Variants in ASTN2 observed in about 807,000 individuals in gnomAD.
ASTN2 encodes the protein astrotactin 2.
In ASTN2, 54 loss-of-function variants were observed where a neutral mutation model predicts 139.8. That is an observed-to-expected ratio of 0.39 (90% CI 0.31 to 0.48). ASTN2 has a LOEUF of 0.48. Ranked by LOEUF, ASTN2 falls within the 20% of genes least tolerant of loss-of-function variation. The pLI is 0.95. For synonymous variants in ASTN2, 756 were observed against 719.5 expected (o/e 1.05, Z -0.81); for missense variants, 1,565 against 1,725.1 (o/e 0.91, Z 1.64).
At chr9:116,917,587 G>A (rs1834485889) in intron 10 of ASTN2, among the ~76,000 whole-genome samples, 1 of 152,152 alleles carries the variant, frequency 6.6e-6, no homozygotes, top group Non-Finnish European at 1.5e-5. Context: ...CAGAATCCCA[G>A]GCCTCATCCC....
intron 10 of ASTN2, among the ~76,000 whole-genome samples, chr9:116,959,987 A>T (rs1462940457): frequency 6.6e-6 from 1 of 152,060 alleles, no homozygotes; most frequent in Admixed American, 6.6e-5. Context: ...CGATGGGGCC[A>T]TAAGTCATGT....
rs1443721760 is a variant in ASTN2 at position 116,622,512 on chromosome 9, G to A, written c.3073-2069C>T. On this transcript the variant is annotated intron_variant, in intron 17 of 22. Coordinates refer to ENST00000313400, the MANE Select transcript of ASTN2 (RefSeq NM_001365068.1). ...AATAGTCCTGAGACACAGATATTAC[G>A]ATCCTCATTTATATATAAGAAAACT... Among the ~76,000 whole-genome samples, 6 of 152,180 alleles carry A rather than the reference G, an allele frequency of 3.9e-5. No individual in the cohort carries two copies. The South Asian group carries it at 8.3e-4, about 21-fold the overall frequency.
rs1832576233 is a variant in ASTN2 at position 116,850,779 on chromosome 9, A to G, written c.2040+12804T>C. On this transcript the variant is annotated intron_variant, in intron 11 of 22. Transcript: ENST00000313400. ...ACCTGCAAGGGTTGGTACCAGCTGG[A>G]GAAAAATAAATACGCTCATGTGGGT... Among the ~76,000 whole-genome samples, 2 of 152,234 alleles carry G rather than the reference A, an allele frequency of 1.3e-5. 1 individual carries two copies. The highest frequency in any genetic ancestry group is 4.1e-4 in the South Asian group (2 of 4,836).
chr9:116,480,470 G>C lies in ASTN2; in HGVS notation c.3497+6889C>G, dbSNP rs150732858. On this transcript the variant is annotated intron_variant, in intron 20 of 22. Coordinates refer to ENST00000313400, the MANE Select transcript of ASTN2 (RefSeq NM_001365068.1). ...CAAAGATTTATTGGATTCTTAATTA[G>C]TGTCAGTTACTGTTCTAGGTACCAG... Among the ~76,000 whole-genome samples the C allele has an allele frequency of 6.3e-3, 958 of 152,298 alleles. 9 individuals are homozygous for C. Among genetic ancestry groups the C allele is most frequent in the African/African-American group, 0.022 (915 of 41,552 alleles).
chr9:116,719,543 A>G (rs559731397), intron 16 of ASTN2, among the ~76,000 whole-genome samples: 4 of 152,288 alleles, frequency 2.6e-5, no homozygotes, highest in East Asian at 1.9e-4. Context: ...AGAACACTAG[A>G]AAAGTATTAG....
chr9:116,726,066 G>T, intron 15 of ASTN2, 116 bp from the exon 16 acceptor site: 1 of 936,522 alleles, frequency 1.1e-6, no homozygotes, highest in Non-Finnish European at 1.6e-6. Context: ...CCTCAGCACA[G>T]TGGCAGCTTG....
intron 1 of ASTN2, among the ~76,000 whole-genome samples, chr9:117,329,180 C>CTTTTTTTTTTTTTTTTTTTT (rs749880987): frequency 1.2e-5 from 1 of 82,582 alleles, no homozygotes; most frequent in African/African-American, 4.7e-5. Flanking sequence ...CTTCCAAGTT[C>CTTTTTTTTTTTTTTTTTTTT]TTTTTTTTTT....
rs561883658 is a variant in ASTN2, at chr9:116,761,863, G to C, written c.2397-28340C>G. ...GCTGCTATATGGAGAATGAATTGGA[G>C]TGAATTCAGGATGAAGAAGAGCAAG... On this transcript the variant is annotated intron_variant, in intron 13 of 22. Coordinates refer to ENST00000313400, the MANE Select transcript of ASTN2 (RefSeq NM_001365068.1). Among the ~76,000 whole-genome samples the C allele has an allele frequency of 5.3e-5, 8 of 152,308 alleles. No individual in the cohort carries two copies. In the East Asian group the frequency reaches 1.5e-3, roughly 29 times the overall value.
chr9:117,091,216 C>T (rs764780174), intron 5 of ASTN2, among the ~76,000 whole-genome samples: 2 of 152,332 alleles, frequency 1.3e-5, no homozygotes, highest in Non-Finnish European at 2.9e-5. Context: ...CAGCCTCCAT[C>T]CTGAACACCT....
chr9:117,186,268 C>T (rs553257740), intron 3 of ASTN2, among the ~76,000 whole-genome samples: 36 of 152,234 alleles, frequency 2.4e-4, no homozygotes, highest in South Asian at 1.2e-3. Flanking sequence ...AAATCCTGGC[C>T]GGGCGCGGTG....
chr9:116,439,975 A>AT (rs1847793738), intron 22 of ASTN2, among the ~76,000 whole-genome samples: 2 of 152,206 alleles, frequency 1.3e-5, no homozygotes, highest in African/African-American at 4.8e-5. Context: ...TATATGCTGA[A>AT]TGGATGAATG....
chr9:116,544,490 T>C (rs145342201), intron 19 of ASTN2, among the ~76,000 whole-genome samples: 1 of 152,348 alleles, frequency 6.6e-6, no homozygotes, highest in Non-Finnish European at 1.5e-5. Flanking sequence ...TAGCAGTTAT[T>C]TGCTATGTTT....
intron 17 of ASTN2, among the ~76,000 whole-genome samples, chr9:116,636,360 A>G (rs1392582876): frequency 3.3e-5 from 5 of 152,312 alleles, no homozygotes; most frequent in Admixed American, 6.5e-5. Flanking sequence ...TTCTTCATAA[A>G]TCACATACCA....
chr9:116,852,918 C>T (rs969672537), intron 11 of ASTN2, among the ~76,000 whole-genome samples: 8 of 146,208 alleles, frequency 5.5e-5, no homozygotes, highest in Non-Finnish European at 9.1e-5. Context: ...CACACACACA[C>T]GGTTAAGATC....
intron 11 of ASTN2, among the ~76,000 whole-genome samples, chr9:116,840,743 C>T (rs1194757639): frequency 2.1e-5 from 3 of 142,000 alleles, no homozygotes; most frequent in Non-Finnish European, 4.6e-5. Flanking sequence ...CCGGACGGGG[C>T]GGCAGGGCAG....
intron 20 of ASTN2, among the ~76,000 whole-genome samples, chr9:116,471,927 G>A (rs1406965017): frequency 6.6e-6 from 1 of 151,962 alleles, no homozygotes; most frequent in Non-Finnish European, 1.5e-5. Flanking sequence ...TGGCTTACTG[G>A]TTGTGCTTTG....
chr9:116,733,160 G>A (rs1828833295), intron 14 of ASTN2, among the ~76,000 whole-genome samples: 1 of 152,214 alleles, frequency 6.6e-6, no homozygotes, highest in African/African-American at 2.4e-5. Flanking sequence ...TGTTCTCACA[G>A]AGGAACCTCC....
intron 1 of ASTN2, among the ~76,000 whole-genome samples, chr9:117,395,765 A>T (rs1472746294): frequency 6.6e-6 from 1 of 152,228 alleles, no homozygotes; most frequent in Non-Finnish European, 1.5e-5. Flanking sequence ...ACCCCCATGA[A>T]ACCATACATG....
At chr9:116,846,195 G>T (rs75674548) in intron 11 of ASTN2, among the ~76,000 whole-genome samples, 4,621 of 152,214 alleles carry the variant, frequency 0.03, 228 homozygotes, top group African/African-American at 0.11. Flanking sequence ...GTTGCCAGGG[G>T]CTGGGGGAAG....
Sources: allele counts gnomAD v4.1 joint callset (sites outside exome capture counted in the v4.1 genomes callset), GRCh38; gene constraint gnomAD v4.1.1; transcripts MANE v1.5; gene names NCBI Gene and HGNC (gene_info 2026-07-23, HGNC 2026-07-21).